Variants in WWOX observed in about 807,000 individuals in gnomAD.
WWOX encodes WW domain-containing oxidoreductase.
Under a neutral mutation model 46.2 loss-of-function variants are expected in WWOX, and 69 were observed. That is an observed-to-expected ratio of 1.49 (90% CI 1.23 to 1.82). WWOX has a LOEUF of 1.82. Among genes scored for constraint, WWOX ranks in the 40% most tolerant of loss-of-function variants. WWOX has a pLI of 0.00. For synonymous variants in WWOX, 359 were observed against 202.6 expected, an observed-to-expected ratio of 1.77 and a Z score of -6.56; for missense variants, 919 against 542.6, an observed-to-expected ratio of 1.69 and a Z score of -6.89.
intron 8 of WWOX, among the ~76,000 whole-genome samples, chr16:78,914,191 G>C (rs1367484740): frequency 6.6e-6 from 1 of 151,920 alleles, no homozygotes; most frequent in Non-Finnish European, 1.5e-5. Context: ...TTATTTCTCT[G>C]TCTAGCACTT....
chr16:78,235,060 A>G (rs1280741768), intron 5 of WWOX, among the ~76,000 whole-genome samples: 2 of 152,172 alleles, frequency 1.3e-5, no homozygotes, highest in Non-Finnish European at 2.9e-5. Context: ...TTTTAAAATG[A>G]GAAAAATACA....
At chr16:78,128,988 G>T (rs1274224681) in intron 4 of WWOX, among the ~76,000 whole-genome samples, 2 of 152,006 alleles carry the variant, frequency 1.3e-5, no homozygotes, top group Non-Finnish European at 2.9e-5. Context: ...TTACTAGATT[G>T]AGTGTTTGAC....
At chr16:79,057,968 T>G (rs2150542502) in intron 8 of WWOX, among the ~76,000 whole-genome samples, 1 of 152,336 alleles carries the variant, frequency 6.6e-6, no homozygotes, top group South Asian at 2.1e-4. Context: ...TGTTTGCTTC[T>G]TCTCGGGCTC....
At chr16:79,134,211 A>G (rs1597404777) in intron 8 of WWOX, among the ~76,000 whole-genome samples, 1 of 152,206 alleles carries the variant, frequency 6.6e-6, no homozygotes, top group Non-Finnish European at 1.5e-5. Context: ...AAGGAAAAAG[A>G]AAGAATCCAA....
At chr16:78,482,731 C>T (rs948743228) in intron 8 of WWOX, among the ~76,000 whole-genome samples, 2 of 152,092 alleles carry the variant, frequency 1.3e-5, no homozygotes, top group Admixed American at 6.5e-5. Flanking sequence ...TGGCAGAGCA[C>T]TTATTGGCGC....
intron 8 of WWOX, among the ~76,000 whole-genome samples, chr16:78,876,644 A>G (rs887978910): frequency 6.6e-6 from 1 of 152,174 alleles, no homozygotes; most frequent in African/African-American, 2.4e-5. Context: ...GAGATCTCTA[A>G]AAGGCAGAAG....
At chr16:79,105,458 A>G (rs927522751) in intron 8 of WWOX, among the ~76,000 whole-genome samples, 5 of 152,166 alleles carry the variant, frequency 3.3e-5, no homozygotes, top group Non-Finnish European at 7.3e-5. Context: ...ACCCACACCC[A>G]TACCTAAACC....
chr16:78,247,312 A>G (rs1423438154), intron 5 of WWOX, among the ~76,000 whole-genome samples: 1 of 152,124 alleles, frequency 6.6e-6, no homozygotes, highest in African/African-American at 2.4e-5. Flanking sequence ...CACTTTTATT[A>G]ATACTTTTAA....
intron 8 of WWOX, among the ~76,000 whole-genome samples, chr16:78,874,912 A>G (rs1470429704): frequency 6.6e-6 from 1 of 152,058 alleles, no homozygotes; most frequent in Non-Finnish European, 1.5e-5. Context: ...TCAAGCATAG[A>G]GACACAACCC....
At chr16:78,326,105 C>G (rs775887605) in intron 5 of WWOX, among the ~76,000 whole-genome samples, 1 of 152,120 alleles carries the variant, frequency 6.6e-6, no homozygotes, top group Admixed American at 6.6e-5. Context: ...GAGCTCCCCT[C>G]CAGAAGTCCA....
intron 8 of WWOX, among the ~76,000 whole-genome samples, chr16:78,869,417 A>T (rs973764287): frequency 2.0e-5 from 3 of 152,182 alleles, no homozygotes; most frequent in Non-Finnish European, 2.9e-5. Context: ...TTATTTGGCA[A>T]TTGCCTGGAC....
chr16:78,575,645 A>G (rs117357335), intron 8 of WWOX, among the ~76,000 whole-genome samples: 2,740 of 152,292 alleles, frequency 0.018, 51 homozygotes, highest in Admixed American at 0.045. Flanking sequence ...ATTAGAGACC[A>G]TGATACAGTT....
chr16:78,767,118 TTTCCTTCC>T (rs1211069427), intron 8 of WWOX, among the ~76,000 whole-genome samples: 4 of 132,364 alleles, frequency 3.0e-5, no homozygotes, highest in Non-Finnish European at 4.8e-5. Flanking sequence ...TCCTTCCTTC[TTTCCTTCC>T]TTCCTTCCAT....
At chr16:78,996,448 A>C in intron 8 of WWOX, 7 of 550,784 alleles carry the variant, frequency 1.3e-5, no homozygotes, top group African/African-American at 2.1e-5. Flanking sequence ...GCATATTCAA[A>C]GTGCTCAGCA....
At chr16:78,351,899 T>G (rs1384148715) in intron 5 of WWOX, among the ~76,000 whole-genome samples, 2 of 152,180 alleles carry the variant, frequency 1.3e-5, no homozygotes, top group African/African-American at 2.4e-5. Flanking sequence ...TTAGGTGATA[T>G]GCGCCCCTCA....
At chr16:78,783,311 A>C (rs2050375658) in intron 8 of WWOX, among the ~76,000 whole-genome samples, 1 of 152,238 alleles carries the variant, frequency 6.6e-6, no homozygotes, top group Non-Finnish European at 1.5e-5. Context: ...CAGTTGAATG[A>C]AACATGCCAT....
chr16:78,740,857 G>C (rs556708726), intron 8 of WWOX, among the ~76,000 whole-genome samples: 8 of 152,082 alleles, frequency 5.3e-5, no homozygotes, highest in African/African-American at 1.9e-4. Context: ...ATGATAAAAA[G>C]AGTTGCCATT....
chr16:78,618,575 A>G (rs1052802395), intron 8 of WWOX, among the ~76,000 whole-genome samples: 3 of 152,124 alleles, frequency 2.0e-5, no homozygotes, highest in South Asian at 2.1e-4. Flanking sequence ...CTGTCTCCAA[A>G]CACAGTCACA....
intron 8 of WWOX, among the ~76,000 whole-genome samples, chr16:79,078,921 C>A (rs928757676): frequency 2.0e-5 from 3 of 152,140 alleles, no homozygotes; most frequent in Non-Finnish European, 4.4e-5. Context: ...CCCTGTTAGG[C>A]CTCTCCCAAC....
Sources: allele counts gnomAD v4.1 joint callset (sites outside exome capture counted in the v4.1 genomes callset), GRCh38; gene constraint gnomAD v4.1.1; transcripts MANE v1.5; gene names NCBI Gene and HGNC (gene_info 2026-07-23, HGNC 2026-07-21).